The following DPP6 variants were observed in gnomAD, a reference collection of about 807,000 sequenced individuals.
DPP6 encodes the protein A-type potassium channel modulatory protein DPP6.
In DPP6, 69 loss-of-function variants were observed where a neutral mutation model predicts 122.6. The observed-to-expected ratio is 0.56, with a 90% CI of 0.46 to 0.69. The LOEUF (loss-of-function observed/expected upper bound fraction) is 0.69. Ranked by LOEUF, DPP6 falls within the 30% of genes least tolerant of loss-of-function variation. DPP6 has a pLI of 0.00. For synonymous variants in DPP6, 418 were observed against 433.1 expected, an observed-to-expected ratio of 0.97 and a Z score of 0.43; for missense variants, 928 against 1,116.9, an observed-to-expected ratio of 0.83 and a Z score of 2.41.
At chr7:154,848,464 G>A (rs1802118583) in intron 16 of DPP6, among the ~76,000 whole-genome samples, 2 of 152,092 alleles carry the variant, frequency 1.3e-5, no homozygotes, top group South Asian at 4.1e-4. Flanking sequence ...CTATTTGCAT[G>A]TCTTCTTTGA....
intron 21 of DPP6, chr7:154,883,556 TCA>T (rs199551230): frequency 0.11 from 6,834 of 64,606 alleles, 807 homozygotes; most frequent in Admixed American, 0.3. Flanking sequence ...ACACACCTGC[TCA>T]CACATACACA....
At chr7:154,783,351 C>T (rs1797142720) in intron 10 of DPP6, among the ~76,000 whole-genome samples, 1 of 152,184 alleles carries the variant, frequency 6.6e-6, no homozygotes, top group African/African-American at 2.4e-5. Context: ...CCCGTGCTTC[C>T]TTCTAGGCAG....
At chr7:154,063,731 C>A (rs150210862) in intron 1 of DPP6, among the ~76,000 whole-genome samples, 4,905 of 133,076 alleles carry the variant, frequency 0.037, 171 homozygotes, top group Middle Eastern at 0.071. Context: ...CCCCTCTTCC[C>A]CCCCGGCTTA....
At chr7:153,749,018 C>G in the DPP6 span, among the ~76,000 whole-genome samples, 2 of 152,114 alleles carry the variant, frequency 1.3e-5, no homozygotes, top group African/African-American at 4.8e-5. This position sits in a 1 kb window ranked among gnomAD's most constrained non-coding sequence, Gnocchi z 4.1. Flanking sequence ...GGTAAGGGAC[C>G]AGCGACGGAG....
intron 1 of DPP6, among the ~76,000 whole-genome samples, chr7:154,004,146 C>G (rs1797804538): frequency 6.6e-6 from 1 of 152,216 alleles, no homozygotes; most frequent in South Asian, 2.1e-4. Flanking sequence ...CTGCTTTTAT[C>G]CTCACTGTCA....
At chr7:153,837,837 ATTTTTTT>A in the DPP6 span, among the ~76,000 whole-genome samples, 16 of 80,630 alleles carry the variant, frequency 2.0e-4, no homozygotes, top group African/African-American at 4.6e-4. Context: ...TGCCTGGTTA[ATTTTTTT>A]TTTTTTTTTT....
the DPP6 span, among the ~76,000 whole-genome samples, chr7:153,864,377 G>A: frequency 6.4e-3 from 977 of 152,120 alleles, 10 homozygotes; most frequent in East Asian, 0.025. Flanking sequence ...GCTTGGGGCC[G>A]GGCGTGGTGG....
chr7:153,830,180 T>A, the DPP6 span, among the ~76,000 whole-genome samples: 3 of 152,260 alleles, frequency 2.0e-5, no homozygotes, highest in Non-Finnish European at 4.4e-5. Context: ...TTAATTTAAC[T>A]CACTATCAAT....
At chr7:153,946,251 A>G (rs1466022143) in intron 1 of DPP6, among the ~76,000 whole-genome samples, 1 of 152,232 alleles carries the variant, frequency 6.6e-6, no homozygotes, top group East Asian at 1.9e-4. Context: ...GAGCAGTGGC[A>G]TAGGCTGCTC....
At chr7:154,391,995 C>G (rs1024378785) in intron 1 of DPP6, among the ~76,000 whole-genome samples, 1 of 152,028 alleles carries the variant, frequency 6.6e-6, no homozygotes, top group Non-Finnish European at 1.5e-5. Context: ...CTATTCTGGC[C>G]GGGCGCGGCG....
At chr7:153,966,221 T>C (rs39175) in intron 1 of DPP6, among the ~76,000 whole-genome samples, 110,751 of 146,216 alleles carry the variant, frequency 0.76, 42,508 homozygotes, top group East Asian at 0.99. Flanking sequence ...AACACACATA[T>C]ATGGGGCTGT....
intron 3 of DPP6, among the ~76,000 whole-genome samples, chr7:154,500,560 G>A (rs956184614): frequency 6.6e-6 from 1 of 152,146 alleles, no homozygotes; most frequent in Non-Finnish European, 1.5e-5. Context: ...AGTCTCATGA[G>A]ATCTGATGGT....
intron 1 of DPP6, among the ~76,000 whole-genome samples, chr7:154,024,862 T>C (rs1400510467): frequency 6.6e-6 from 1 of 152,196 alleles, no homozygotes; most frequent in Non-Finnish European, 1.5e-5. Context: ...TGATATTTTG[T>C]AAAATCAAGG....
At chr7:154,627,189 C>CT (rs61163075) in intron 5 of DPP6, among the ~76,000 whole-genome samples, 2,451 of 103,402 alleles carry the variant, frequency 0.024, 71 homozygotes, top group Non-Finnish European at 0.033. Context: ...ATTTTTTTTC[C>CT]TTTTTTTTTT....
chr7:153,793,566 G>A, the DPP6 span, among the ~76,000 whole-genome samples: 1 of 151,586 alleles, frequency 6.6e-6, no homozygotes, highest in Admixed American at 6.6e-5. Context: ...CCGACAATGT[G>A]ATAGAAAAGA....
intron 1 of DPP6, among the ~76,000 whole-genome samples, chr7:154,297,963 A>G (rs1019567474): frequency 6.6e-6 from 1 of 152,170 alleles, no homozygotes. Context: ...GCTTCTTCTC[A>G]AACACCAGGC....
the DPP6 span, among the ~76,000 whole-genome samples, chr7:153,846,492 A>G: frequency 6.6e-6 from 1 of 151,132 alleles, no homozygotes; most frequent in African/African-American, 2.4e-5. Context: ...TTTTTTTTGT[A>G]TTTCCTTCTT....
intron 5 of DPP6, among the ~76,000 whole-genome samples, chr7:154,629,633 A>G (rs1283744263): frequency 2.0e-5 from 3 of 152,120 alleles, no homozygotes; most frequent in Admixed American, 2.0e-4. Context: ...CTTTGAATGG[A>G]ATTGTAGGAT....
chr7:154,262,046 GA>G (rs1382046100), intron 1 of DPP6, among the ~76,000 whole-genome samples: 1 of 151,572 alleles, frequency 6.6e-6, no homozygotes, highest in Non-Finnish European at 1.5e-5. Flanking sequence ...GGAGGAAGGA[GA>G]AAGAAGAGAG....
Sources: gnomAD v4.1 joint callset for allele counts (sites outside exome capture counted in the v4.1 genomes callset) on GRCh38, gnomAD v4.1.1 for gene constraint, Gnocchi (gnomAD v3.1) non-coding constraint, MANE v1.5 for transcripts, NCBI Gene and HGNC (gene_info 2026-07-23, HGNC 2026-07-21) for gene names.